Variants in FAM81B observed in about 807,000 individuals in gnomAD.
The protein encoded by FAM81B is family with sequence similarity 81 member B.
Under a neutral mutation model 58.7 loss-of-function variants are expected in FAM81B, and 60 were observed. The ratio of observed to expected loss-of-function variants is 1.02; its 90% CI spans 0.83 to 1.27. FAM81B has a LOEUF of 1.27. Ranked by LOEUF, FAM81B falls within the 50% of genes most tolerant of loss-of-function variation. The pLI is 0.00. For synonymous variants in FAM81B, 189 were observed against 179.6 expected (o/e 1.05, Z -0.42); for missense variants, 491 against 522.0 (o/e 0.94, Z 0.58).
At chr5:95,397,749 C>T (rs1303318586) in intron 3 of FAM81B, among the ~76,000 whole-genome samples, 1 of 152,214 alleles carries the variant, frequency 6.6e-6, no homozygotes, top group East Asian at 1.9e-4. Flanking sequence ...CTCTCCCTTA[C>T]CCCTTCTCTT....
At chr5:95,449,261 T>A (rs908561199) in intron 9 of FAM81B, among the ~76,000 whole-genome samples, 1 of 152,168 alleles carries the variant, frequency 6.6e-6, no homozygotes, top group African/African-American at 2.4e-5. Flanking sequence ...CTGCCAGATG[T>A]TCCTGGCATA....
intron 7 of FAM81B, 125 bp downstream of exon 7, chr5:95,437,031 A>T (rs1745132461): frequency 1.6e-6 from 1 of 638,826 alleles, no homozygotes; most frequent in Non-Finnish European, 2.7e-6. Flanking sequence ...TAAAGCAGTG[A>T]ACTAACACAG....
At chr5:95,420,477 A>C in intron 5 of FAM81B, 75 bp downstream of exon 5, 2 of 1,583,514 alleles carry the variant, frequency 1.3e-6, no homozygotes, top group Non-Finnish European at 1.7e-6. Context: ...AACAAGCTCC[A>C]TGCTGTGGAA....
At chr5:95,420,173 C>A in intron 4 of FAM81B, 111 bp from the exon 5 acceptor site, 2 of 1,325,868 alleles carry the variant, frequency 1.5e-6, no homozygotes, top group Non-Finnish European at 2.1e-6. Context: ...CACTCATGCA[C>A]ACCATCAGCC....
intron 5 of FAM81B, among the ~76,000 whole-genome samples, chr5:95,426,145 A>G (rs1170545489): frequency 6.3e-5 from 9 of 142,382 alleles, no homozygotes; most frequent in African/African-American, 2.1e-4. Context: ...TTTTAAGTAT[A>G]TATGTATAAT....
intron 3 of FAM81B, among the ~76,000 whole-genome samples, chr5:95,404,197 C>T (rs1446650069): frequency 1.3e-5 from 2 of 152,166 alleles, no homozygotes; most frequent in African/African-American, 4.8e-5. Flanking sequence ...GTGTCACCTT[C>T]AGCAGAGCCT....
At chr5:95,440,439 G>A (rs1006973221) in intron 7 of FAM81B, 22 of 647,936 alleles carry the variant, frequency 3.4e-5, no homozygotes, top group African/African-American at 2.5e-4. Flanking sequence ...TCGAATTTTG[G>A]TTCAGGAGCA....
chr5:95,416,638 G>A (rs1294816801), intron 4 of FAM81B, among the ~76,000 whole-genome samples: 1 of 152,116 alleles, frequency 6.6e-6, no homozygotes, highest in Non-Finnish European at 1.5e-5. Context: ...TCTCCCTTTA[G>A]TCCTTCCAAG....
At chr5:95,434,337 G>A (rs1745016943) in intron 6 of FAM81B, among the ~76,000 whole-genome samples, 1 of 152,174 alleles carries the variant, frequency 6.6e-6, no homozygotes, top group South Asian at 2.1e-4. Context: ...CCTTGCTCCA[G>A]AGGCCGCCTA....
chr5:95,436,541 A>G (rs2152768711), intron 6 of FAM81B, among the ~76,000 whole-genome samples: 1 of 152,336 alleles, frequency 6.6e-6, no homozygotes, highest in East Asian at 1.9e-4. Context: ...TAGATGGCCT[A>G]TGATCAAAAA....
intron 8 of FAM81B, among the ~76,000 whole-genome samples, chr5:95,447,095 TAA>T (rs774222999): frequency 6.6e-6 from 1 of 152,170 alleles, no homozygotes; most frequent in Non-Finnish European, 1.5e-5. Context: ...CTTAGTAGAT[TAA>T]AAGTTTTCAA....
chr5:95,407,291 C>T (rs1441291323), intron 3 of FAM81B, among the ~76,000 whole-genome samples: 1 of 149,684 alleles, frequency 6.7e-6, no homozygotes, highest in Non-Finnish European at 1.5e-5. Context: ...CACACACACA[C>T]ACGCACATCT....
chr5:95,394,914 G>A (rs753534118), intron 2 of FAM81B, among the ~76,000 whole-genome samples: 21 of 152,136 alleles, frequency 1.4e-4, no homozygotes, highest in Non-Finnish European at 2.5e-4. Context: ...AATTCCTTGG[G>A]CATTTGAAAA....
chr5:95,394,630 A>G (rs1181283283), intron 2 of FAM81B, among the ~76,000 whole-genome samples: 1 of 152,292 alleles, frequency 6.6e-6, no homozygotes. Flanking sequence ...CAGTAGATCC[A>G]TTCTCGAGGG....
At chr5:95,398,896 GA>G (rs144534042) in intron 3 of FAM81B, among the ~76,000 whole-genome samples, 1,957 of 152,272 alleles carry the variant, frequency 0.013, 41 homozygotes, top group African/African-American at 0.045. Context: ...TGGCTAGGGT[GA>G]AAAGGAGGGA....
chr5:95,395,941 GT>G (rs1761953993), intron 2 of FAM81B, among the ~76,000 whole-genome samples, 169 bp from the exon 3 acceptor site: 1 of 152,092 alleles, frequency 6.6e-6, no homozygotes, highest in Non-Finnish European at 1.5e-5. Context: ...ACTTAATTTT[GT>G]TTTTAGTCAT....
intron 3 of FAM81B, among the ~76,000 whole-genome samples, chr5:95,400,320 G>C (rs1762072634): frequency 6.6e-6 from 1 of 151,880 alleles, no homozygotes; most frequent in Non-Finnish European, 1.5e-5. Flanking sequence ...GCACTCCTTG[G>C]CTTGTAGATG....
chr5:95,446,481 A>G, intron 7 of FAM81B, 81 bp from the exon 8 acceptor site: 1 of 1,360,880 alleles, frequency 7.3e-7, no homozygotes, highest in South Asian at 1.5e-5. Flanking sequence ...CGTCACCTCA[A>G]AAAACTGCAG....
At chr5:95,425,833 C>A (rs1405475313) in intron 5 of FAM81B, among the ~76,000 whole-genome samples, 6 of 151,418 alleles carry the variant, frequency 4.0e-5, no homozygotes, top group Non-Finnish European at 7.4e-5. Flanking sequence ...ATATGGTCAA[C>A]AGATAATATC....
Sources: gnomAD v4.1 joint callset for allele counts (sites outside exome capture counted in the v4.1 genomes callset) on GRCh38, gnomAD v4.1.1 for gene constraint, MANE v1.5 for transcripts, NCBI Gene and HGNC (gene_info 2026-07-23, HGNC 2026-07-21) for gene names.